The following SNTB2 variants were observed in gnomAD, a reference collection of about 807,000 sequenced individuals.
SNTB2 encodes the protein beta-2-syntrophin.
Under a neutral mutation model 46.2 loss-of-function variants are expected in SNTB2, and 34 were observed. The ratio of observed to expected loss-of-function variants is 0.74; its 90% CI spans 0.56 to 0.98. The LOEUF (loss-of-function observed/expected upper bound fraction) is 0.98, where lower values mean the gene tolerates loss of function less well. Ranked by LOEUF, SNTB2 falls within the 50% of genes least tolerant of loss-of-function variation. The probability of loss-of-function intolerance (pLI) is 0.00; values close to 1 mark genes in which losing one functional copy is unlikely to be tolerated. For synonymous variants in SNTB2, 290 were observed against 312.6 expected (o/e 0.93, Z 0.76); for missense variants, 603 against 731.4 (o/e 0.82, Z 2.02).
At chr16:69,271,782 G>A (rs375392030) in intron 4 of SNTB2, among the ~76,000 whole-genome samples, 4 of 152,294 alleles carry the variant, frequency 2.6e-5, no homozygotes, top group South Asian at 2.1e-4. Context: ...TAAAATGTGT[G>A]CACCTGGAAG....
chr16:69,206,200 A>G (rs1363976500), intron 1 of SNTB2, among the ~76,000 whole-genome samples: 1 of 152,026 alleles, frequency 6.6e-6, no homozygotes, highest in East Asian at 1.9e-4. Context: ...GGTTCTCACT[A>G]TGTTGCCTAG....
At chr16:69,194,314 A>G (rs1020874153) in intron 1 of SNTB2, among the ~76,000 whole-genome samples, 1 of 152,148 alleles carries the variant, frequency 6.6e-6, no homozygotes, top group South Asian at 2.1e-4. Context: ...AGCACTTTTT[A>G]TATTCTCTGC....
chr16:69,212,113 C>T (rs1964294370), intron 1 of SNTB2, among the ~76,000 whole-genome samples: 1 of 152,176 alleles, frequency 6.6e-6, no homozygotes, highest in African/African-American at 2.4e-5. Flanking sequence ...TCTAGCCTTT[C>T]CTAGCTACTT....
chr16:69,281,505 T>TTG (rs1555500751), intron 4 of SNTB2, among the ~76,000 whole-genome samples: 24 of 150,202 alleles, frequency 1.6e-4, no homozygotes, highest in East Asian at 3.9e-4. Context: ...TTTTGTTTTT[T>TTG]TTTTTTTACA....
Position 69,224,719 on chromosome 16 carries a change from T to G in SNTB2, c.581-20883T>G, listed in dbSNP as rs4783701. On this transcript the variant is annotated intron_variant, in intron 1 of 6. Transcript: ENST00000336278. ...TGTAAGAAAGAGCTGGCCCTTCTCC[T>G]CCATTTATGTATTTATTACATTATT... is the stretch of plus-strand genomic sequence containing the variant. Among the ~76,000 whole-genome samples, 936 of 152,350 alleles carry G rather than the reference T, an allele frequency of 6.1e-3. 6 individuals carry two copies. The highest frequency in any genetic ancestry group is 0.01 in the Non-Finnish European group (695 of 68,036).
intron 5 of SNTB2, among the ~76,000 whole-genome samples, chr16:69,297,948 T>G (rs1457510347): frequency 6.6e-6 from 1 of 152,064 alleles, no homozygotes; most frequent in African/African-American, 2.4e-5. Context: ...TAAATCTCTC[T>G]TTTTAAAATT....
chr16:69,275,218 A>AT (rs1243685414), intron 4 of SNTB2, among the ~76,000 whole-genome samples: 7 of 151,854 alleles, frequency 4.6e-5, no homozygotes, highest in African/African-American at 1.5e-4. Flanking sequence ...GACTATAGGC[A>AT]TAAGCCACTA....
At chr16:69,235,197 A>C (rs1964546793) in intron 1 of SNTB2, among the ~76,000 whole-genome samples, 1 of 151,088 alleles carries the variant, frequency 6.6e-6, no homozygotes, top group African/African-American at 2.4e-5. Flanking sequence ...TTTTTTTCCA[A>C]AGTGGTAGGA....
chr16:69,281,578 C>G (rs559934907), intron 4 of SNTB2, among the ~76,000 whole-genome samples: 1 of 150,320 alleles, frequency 6.7e-6, no homozygotes, highest in Non-Finnish European at 1.5e-5. Flanking sequence ...TGGCTGGGCA[C>G]GGTGGCTCAC....
chr16:69,253,273 C>G (rs1372159310), intron 2 of SNTB2, among the ~76,000 whole-genome samples: 1 of 152,016 alleles, frequency 6.6e-6, no homozygotes, highest in African/African-American at 2.4e-5. Flanking sequence ...TATTTTGGAG[C>G]TTCTTTGCTG....
chr16:69,266,052 A>G (rs971056557), intron 3 of SNTB2, among the ~76,000 whole-genome samples: 7 of 152,030 alleles, frequency 4.6e-5, no homozygotes, highest in African/African-American at 1.7e-4. Context: ...ACTTCACTGA[A>G]AGCAAACAGT....
intron 4 of SNTB2, 45 bp downstream of exon 4, chr16:69,270,330 T>G: frequency 1.2e-6 from 2 of 1,604,240 alleles, no homozygotes; most frequent in Non-Finnish European, 1.7e-6. Context: ...TATCCTACTC[T>G]AAATCTACAA....
intron 5 of SNTB2, among the ~76,000 whole-genome samples, chr16:69,293,615 G>A (rs540339301): frequency 3.7e-4 from 56 of 152,304 alleles, no homozygotes; most frequent in Non-Finnish European, 7.1e-4. Context: ...GAGAGAGGGG[G>A]AGTGGTACTT....
intron 5 of SNTB2, among the ~76,000 whole-genome samples, chr16:69,289,041 G>A (rs1008600871): frequency 8.6e-5 from 13 of 151,658 alleles, no homozygotes; most frequent in African/African-American, 2.9e-4. Flanking sequence ...AGGCCGAGGC[G>A]CGCGGATCAC....
rs1964473543 is a variant in SNTB2, at chr16:69,227,849, T to C, written c.581-17753T>C. Among the ~76,000 whole-genome samples, 9 of 118,480 alleles carry C rather than the reference T, an allele frequency of 7.6e-5. No individual in the cohort carries two copies. In the South Asian group the frequency reaches 2.4e-3, roughly 31 times the overall value. 77.7% of individuals were successfully genotyped at this position (118,480 alleles called of 152,430 possible). A position where few individuals can be genotyped will look rare whatever the true frequency, so the allele number is the denominator to read the frequency against. ...GCTTGCTGTTTCTCTGGATTTTTTT[T>C]TTTTTTTTTTTTTTTTTAAGATAAG... On this transcript the variant is annotated intron_variant, in intron 1 of 6. Transcript: ENST00000336278.
rs1965173787 is a variant in SNTB2 at position 69,292,389 on chromosome 16, A to ATATT, written c.1346-7200_1346-7199insATTT. ...ATATATATATATATATTATATATAT[A>ATATT]TTATATATATATATATATTATATAT... On this transcript the variant is annotated intron_variant, in intron 5 of 6. Coordinates refer to ENST00000336278, the MANE Select transcript of SNTB2 (RefSeq NM_006750.4). Among the ~76,000 whole-genome samples the ATATT allele has an allele frequency of 9.7e-4, 11 of 11,336 alleles. 3 individuals carry two copies. Among genetic ancestry groups the ATATT allele is most frequent in the Admixed American group, 5.1e-3 (3 of 586 alleles). The allele number at this position is 11,336 out of a possible 152,430, so 7.4% of individuals were successfully genotyped here.
chr16:69,203,419 G>A (rs144634487), intron 1 of SNTB2, among the ~76,000 whole-genome samples: 4 of 152,116 alleles, frequency 2.6e-5, no homozygotes, highest in African/African-American at 9.6e-5. Flanking sequence ...ACTGTAACTA[G>A]TTTTGACCTC....
At chr16:69,258,935 A>G (rs984346367) in intron 2 of SNTB2, among the ~76,000 whole-genome samples, 1 of 151,938 alleles carries the variant, frequency 6.6e-6, no homozygotes, top group Non-Finnish European at 1.5e-5. Flanking sequence ...TTTATTTCAC[A>G]TAATGTAAAT....
intron 2 of SNTB2, among the ~76,000 whole-genome samples, chr16:69,252,310 T>G (rs557413842): frequency 6.6e-6 from 1 of 152,312 alleles, no homozygotes; most frequent in East Asian, 1.9e-4. Context: ...CCTCACTGGA[T>G]GCATCTTGAT....
Sources: gnomAD v4.1 joint callset for allele counts (sites outside exome capture counted in the v4.1 genomes callset) on GRCh38, gnomAD v4.1.1 for gene constraint, MANE v1.5 for transcripts, NCBI Gene and HGNC (gene_info 2026-07-23, HGNC 2026-07-21) for gene names.